Variants in IL1RAPL1 observed in about 807,000 individuals in gnomAD.
IL1RAPL1 encodes interleukin 1 receptor accessory protein like 1, also known as interleukin-1 receptor accessory protein-like 1.
A neutral mutation model predicts 48.4 loss-of-function variants in IL1RAPL1; 3 were observed. That is an observed-to-expected ratio of 0.06 (90% CI 0.03 to 0.16). IL1RAPL1 has a LOEUF of 0.16. Among genes scored for constraint, IL1RAPL1 ranks in the 10% least tolerant of loss-of-function variants. IL1RAPL1 has a pLI of 1.00. For missense variants in IL1RAPL1, 349 were observed against 530.6 expected (o/e 0.66, Z 3.36); for synonymous variants, 185 against 187.7 (o/e 0.99, Z 0.12).
At chrX:28,675,162 T>G (rs1471211837) in intron 1 of IL1RAPL1, among the ~76,000 whole-genome samples, 1 of 111,668 alleles carries the variant, frequency 9.0e-6, no homozygotes, top group Admixed American at 9.6e-5. Context: ...CCATTTGGTG[T>G]AGATAATGCC....
intron 6 of IL1RAPL1, among the ~76,000 whole-genome samples, chrX:29,846,958 A>G (rs1351837738): frequency 1.8e-5 from 2 of 110,871 alleles, no homozygotes; most frequent in African/African-American, 3.3e-5. Context: ...CATTTTGTGT[A>G]TCATCTCACA....
At chrX:29,079,066 C>T (rs1927745207) in intron 2 of IL1RAPL1, among the ~76,000 whole-genome samples, 1 of 112,123 alleles carries the variant, frequency 8.9e-6, no homozygotes. Flanking sequence ...TACCCAAGTT[C>T]AGGGATGACA....
chrX:28,962,882 A>G (rs202041968), intron 2 of IL1RAPL1, among the ~76,000 whole-genome samples: 30 of 96,022 alleles, frequency 3.1e-4, no homozygotes, highest in South Asian at 1.0e-3. Context: ...GTCTGTGTGT[A>G]TGTGTGTGTG....
chrX:29,949,010 G>A (rs1041202685), intron 9 of IL1RAPL1, among the ~76,000 whole-genome samples: 2 of 111,667 alleles, frequency 1.8e-5, no homozygotes, highest in Non-Finnish European at 1.9e-5. Flanking sequence ...CCTTCAACTT[G>A]AAAAGTGAGT....
intron 5 of IL1RAPL1, among the ~76,000 whole-genome samples, chrX:29,433,606 A>G (rs1400513777): frequency 1.8e-5 from 2 of 111,333 alleles, no homozygotes; most frequent in Admixed American, 1.9e-4. Context: ...ACCAATATAC[A>G]TTCTTTCATA....
chrX:29,692,401 A>G (rs956044913), intron 6 of IL1RAPL1, among the ~76,000 whole-genome samples: 1 of 111,821 alleles, frequency 8.9e-6, no homozygotes, highest in African/African-American at 3.3e-5. Flanking sequence ...AGTTGTTTGC[A>G]ATTATGAAAA....
intron 6 of IL1RAPL1, among the ~76,000 whole-genome samples, chrX:29,780,080 A>T (rs1444329599): frequency 9.1e-6 from 1 of 110,185 alleles, no homozygotes; most frequent in Non-Finnish European, 1.9e-5. Flanking sequence ...TTTTTAATTT[A>T]AAAAAAATCT....
At chrX:28,685,858 G>A (rs969222340) in intron 1 of IL1RAPL1, among the ~76,000 whole-genome samples, 1 of 111,873 alleles carries the variant, frequency 8.9e-6, no homozygotes, top group African/African-American at 3.2e-5. Context: ...CTTCATTGAT[G>A]TATTTTTCTG....
intron 1 of IL1RAPL1, among the ~76,000 whole-genome samples, chrX:28,727,420 T>A (rs1382458844): frequency 9.7e-6 from 1 of 103,055 alleles, no homozygotes; most frequent in Non-Finnish European, 2.0e-5. Context: ...CTTATCAGCT[T>A]AAGGAGATTT....
chrX:28,753,148 C>T (rs1427551599), intron 1 of IL1RAPL1, among the ~76,000 whole-genome samples: 2 of 111,696 alleles, frequency 1.8e-5, no homozygotes, highest in African/African-American at 6.5e-5. Flanking sequence ...TTCACACCAC[C>T]ACAGCAGCAT....
chrX:29,067,346 TCAAAA>T (rs1464406820), intron 2 of IL1RAPL1, among the ~76,000 whole-genome samples: 1 of 112,362 alleles, frequency 8.9e-6, no homozygotes, highest in Non-Finnish European at 1.9e-5. Context: ...TAGCAAACTC[TCAAAA>T]CAAAACATTA....
rs1000851039 is a variant in IL1RAPL1 at position 29,956,215 on chromosome X, C to A, written c.*395C>A. The A allele has an allele frequency of 1.0e-4, 18 of 172,046 alleles. No individual in the cohort carries two copies. Among genetic ancestry groups the A allele is most frequent in the Non-Finnish European group, 1.8e-4 (17 of 94,961 alleles). The allele number at this position is 172,046 out of a possible 1,213,427, so 14.2% of individuals were successfully genotyped here. A position where few individuals can be genotyped will look rare whatever the true frequency, so the allele number is the denominator to read the frequency against. ...ATTTCCTTGGGGTGCTTGGACAAATCTATCCGATGGGACAAGGAGCACCGG... is the reference window on the plus strand; with the variant it reads ...ATTTCCTTGGGGTGCTTGGACAAATATATCCGATGGGACAAGGAGCACCGG... On this transcript the variant is annotated 3_prime_UTR_variant, in exon 11 of 11. Transcript: ENST00000378993.
At chrX:29,567,264 G>A (rs192760829) in intron 5 of IL1RAPL1, among the ~76,000 whole-genome samples, 1 of 110,213 alleles carries the variant, frequency 9.1e-6, no homozygotes, top group Admixed American at 9.6e-5. Context: ...TCGTTAGCAA[G>A]GAGAGATGCC....
chrX:29,851,946 T>A (rs993954795), intron 6 of IL1RAPL1, among the ~76,000 whole-genome samples: 1 of 112,957 alleles, frequency 8.9e-6, no homozygotes, highest in Non-Finnish European at 1.9e-5. Context: ...GAATAGCAAG[T>A]TATTCTTAAA....
At position 29,539,690 on chromosome X, in the gene IL1RAPL1, C is replaced by G. The variant is rs533258653; in HGVS notation, c.704-128740C>G. 1.4e-4 allele frequency among the ~76,000 whole-genome samples: 16 copies of G among 110,934 alleles called. No homozygotes were observed. In the South Asian group the frequency reaches 6.3e-3, roughly 43 times the overall value. On this transcript the variant is annotated intron_variant, in intron 5 of 10. Coordinates refer to ENST00000378993, the MANE Select transcript of IL1RAPL1 (RefSeq NM_014271.4). ...AAAAATGCGTAGCACCTCCCCGTCT[C>G]TTTCTTCTTCCTGCTCTGCCATGTG... is the stretch of plus-strand genomic sequence containing the variant.
intron 2 of IL1RAPL1, among the ~76,000 whole-genome samples, chrX:29,176,427 G>T (rs1224787598): frequency 9.1e-6 from 1 of 109,348 alleles, no homozygotes; most frequent in Non-Finnish European, 1.9e-5. Flanking sequence ...GCTGGTCTAG[G>T]AACCACACTT....
chrX:28,801,484 T>C (rs1936675125), intron 2 of IL1RAPL1, among the ~76,000 whole-genome samples: 1 of 111,668 alleles, frequency 9.0e-6, no homozygotes, highest in Admixed American at 9.5e-5. Flanking sequence ...AGCTTACAAG[T>C]GTATTATAAT....
chrX:29,689,854 A>G (rs5972680), intron 6 of IL1RAPL1, among the ~76,000 whole-genome samples: 42,530 of 111,028 alleles, frequency 0.38, 5,896 homozygotes, highest in South Asian at 0.51. Flanking sequence ...ATGTATATAC[A>G]TATATATTCT....
chrX:28,637,239 C>T (rs1934476114), intron 1 of IL1RAPL1, among the ~76,000 whole-genome samples: 1 of 111,159 alleles, frequency 9.0e-6, no homozygotes, highest in Admixed American at 9.7e-5. Context: ...TTTCTAATCT[C>T]TGATTTTTCT....
Sources: allele counts gnomAD v4.1 joint callset (sites outside exome capture counted in the v4.1 genomes callset), GRCh38; gene constraint gnomAD v4.1.1; transcripts MANE v1.5; gene names NCBI Gene and HGNC (gene_info 2026-07-23, HGNC 2026-07-21).